ITGA7: variants seen among roughly 807,000 people sequenced by gnomAD.
ITGA7 encodes integrin alpha-7.
In ITGA7, 84 loss-of-function variants were observed where a neutral mutation model predicts 131.6. That is an observed-to-expected ratio of 0.64 (90% confidence interval 0.54 to 0.77). The LOEUF is 0.77. Among genes scored for constraint, ITGA7 ranks in the 30% least tolerant of loss-of-function variants. The pLI, the probability that ITGA7 is intolerant of heterozygous loss-of-function variation, is 0.00. For missense variants in ITGA7, 1,399 were observed against 1,482.9 expected (o/e 0.94, Z 0.93); for synonymous variants, 548 against 600.7 (o/e 0.91, Z 1.28).
chr12:55,705,427 C>T (rs1449365407), intron 1 of ITGA7, among the ~76,000 whole-genome samples: 1 of 152,046 alleles, frequency 6.6e-6, no homozygotes, highest in Non-Finnish European at 1.5e-5. Context: ...CCCCTGGGAG[C>T]TCAGCTAAGT....
At chr12:55,685,358 G>A (rs896976299) in intron 24 of ITGA7, 70 bp from the exon 25 acceptor site, 11 of 1,371,652 alleles carry the variant, frequency 8.0e-6, no homozygotes, top group Admixed American at 3.4e-5. Flanking sequence ...TGCCTAGCGC[G>A]GCACAGCTCC....
chr12:55,692,179 G>A (rs760652723), intron 21 of ITGA7, among the ~76,000 whole-genome samples: 11 of 152,174 alleles, frequency 7.2e-5, no homozygotes, highest in South Asian at 2.1e-4. Context: ...TTGGGAGGCC[G>A]AGGCAGACAG....
rs78711866 is a variant in ITGA7, at chr12:55,685,588, T to C, written c.3184-300A>G. 2.0e-5 allele frequency among the ~76,000 whole-genome samples: 3 copies of C among 152,206 alleles called. No homozygotes were observed. In the East Asian group the frequency reaches 5.8e-4, roughly 29 times the overall value. ...GGAGCATCAGGACCGGACTCAAGAT[T>C]TGTACCCCCTCTAGCTTCTTAAGAG... On this transcript the variant is annotated intron_variant, in intron 24 of 24. Coordinates refer to ENST00000257879, the MANE Select transcript of ITGA7 (RefSeq NM_002206.3).
At chr12:55,697,845 C>G in intron 8 of ITGA7, 23 bp from the exon 9 acceptor site, 1 of 1,614,114 alleles carries the variant, frequency 6.2e-7, no homozygotes, top group Non-Finnish European at 8.5e-7. Context: ...CTGTCAGCCT[C>G]CCTCAATCCC....
chr12:55,715,975 C>A, upstream of ITGA7: 1 of 1,462,284 alleles, frequency 6.8e-7, no homozygotes, highest in Non-Finnish European at 9.0e-7. Flanking sequence ...CCCTCTACCT[C>A]TCTTCCCCGC....
rs757258511 is a variant in ITGA7 at position 55,687,957 on chromosome 12, C to T, written c.3183+14G>A. 2.5e-6 allele frequency: 4 copies of T among 1,614,126 alleles called. No homozygotes were observed. Among genetic ancestry groups the T allele is most frequent in the Non-Finnish European group, 3.4e-6 (4 of 1,180,016 alleles). ...AGGAAGTCCACCCCCATCAGCCCCACCTCCAAGCCTCACCTTCCACAGGAG... is the reference window on the plus strand; with the variant it reads ...AGGAAGTCCACCCCCATCAGCCCCATCTCCAAGCCTCACCTTCCACAGGAG... On this transcript the variant is annotated intron_variant, in intron 24 of 24. Coordinates refer to ENST00000257879, the MANE Select transcript of ITGA7 (RefSeq NM_002206.3).
In ITGA7 at chr12:55,698,465, A is replaced by G. The variant is rs746695468; in HGVS notation, c.1110T>C (p.Pro370=). Residue 370 remains proline (P), a synonymous_variant, in exon 7 of 25, where the codon CCT becomes CCC. Transcript: ENST00000257879. ...NQGGHWAGIS[P]LRLCGSPDSM... ...AGTCAGGGGAGCCGCAGAGCCGGAG[A>G]GGGGAGATCCCAGCCCAGTGACCCC... 6.2e-7 allele frequency: 1 copy of G among 1,613,642 alleles called. No individual in the cohort carries two copies.
At chr12:55,686,408 ATGGGAGCAGGGAGCAAGCATCC>A in intron 24 of ITGA7, 1 of 725,592 alleles carries the variant, frequency 1.4e-6, no homozygotes, top group South Asian at 1.6e-5. Flanking sequence ...TCTTCCTTCC[ATGGGAGCAGGGAGCAAGCATCC>A]TGGGACCAGT....
intron 5 of ITGA7, chr12:55,699,411 AG>A (rs936993828): frequency 1.4e-5 from 4 of 281,518 alleles, no homozygotes; most frequent in Non-Finnish European, 2.8e-5. Flanking sequence ...GGGGGAGACA[AG>A]GGGGAGTGAG....
chr12:55,709,200 T>A (rs1875799610), upstream of ITGA7, among the ~76,000 whole-genome samples: 1 of 152,214 alleles, frequency 6.6e-6, no homozygotes, highest in African/African-American at 2.4e-5. Context: ...TATTTCTCAA[T>A]GTTTCTAGTG....
rs755539302 is a variant in ITGA7, at chr12:55,707,691, C to G, written c.-9G>C. 1.3e-6 allele frequency: 2 copies of G among 1,564,062 alleles called. No individual in the cohort carries two copies. The highest frequency in any genetic ancestry group is 1.7e-6 in the Non-Finnish European group (2 of 1,154,014). ...CTCCGAGCCCCGGCCATGGGACGATCCCTGCGCGAGCTCCCAGCGAATGCA... is the reference window on the plus strand; with the variant it reads ...CTCCGAGCCCCGGCCATGGGACGATGCCTGCGCGAGCTCCCAGCGAATGCA... On this transcript the variant is annotated 5_prime_UTR_variant, in exon 1 of 25. Transcript: ENST00000257879.
At position 55,707,820 on chromosome 12, in the gene ITGA7, G is replaced by GCCCAACCCC; in HGVS notation, c.-139_-138insGGGGTTGGG. ...CGTCTCCCAGACGTTCGCCCCGCCA[G>GCCCAACCCC]CCCTCCCGCCCGCCCGCCGCTCCGC... On this transcript the variant is annotated 5_prime_UTR_variant, in exon 1 of 25. Coordinates refer to ENST00000257879, the MANE Select transcript of ITGA7 (RefSeq NM_002206.3). The GCCCAACCCC allele has an allele frequency of 1.4e-6, 2 of 1,455,760 alleles. No homozygotes were observed. The highest frequency in any genetic ancestry group is 1.8e-6 in the Non-Finnish European group (2 of 1,102,472). 90.2% of individuals were successfully genotyped at this position (1,455,760 alleles called of 1,614,324 possible). A position where few individuals can be genotyped will look rare whatever the true frequency, so the allele number is the denominator to read the frequency against.
At position 55,698,854 on chromosome 12, in the gene ITGA7, G is replaced by A. The variant is rs758952304; in HGVS notation, c.854C>T (p.Ala285Val). 1.9e-6 allele frequency: 3 copies of A among 1,611,916 alleles called. No individual in the cohort carries two copies. The highest frequency in any genetic ancestry group is 1.1e-5 in the South Asian group (1 of 91,056). Residue 285 changes from alanine to valine, a missense_variant, in exon 6 of 25, where the codon GCC (alanine) becomes GTC (valine). Ala to Val is a moderately conservative substitution (Grantham distance 64, BLOSUM62 0). Coordinates refer to ENST00000257879, the MANE Select transcript of ITGA7 (RefSeq NM_002206.3). ...RAEELSFVAG[A>V]PRANHKGAVV... ...AGCACCCTTGTGGTTGGCGCGGGGG[G>A]CTCCAGCCACAAAGCTCAGCTCTTC...
At chr12:55,689,780 A>T (rs1004207165) in intron 21 of ITGA7, among the ~76,000 whole-genome samples, 25 of 152,344 alleles carry the variant, frequency 1.6e-4, no homozygotes, top group Admixed American at 1.6e-3. Flanking sequence ...AGAGATATAG[A>T]TCAATGGAAC....
intron 12 of ITGA7, 112 bp from the exon 13 acceptor site, chr12:55,696,544 G>T (rs1304626951): frequency 2.4e-6 from 3 of 1,228,658 alleles, no homozygotes; most frequent in Non-Finnish European, 3.5e-6. Flanking sequence ...ATATTAGGGA[G>T]ATGAATGAGA....
At chr12:55,716,170 A>G, upstream of ITGA7, 1 of 1,612,374 alleles carries the variant, frequency 6.2e-7, no homozygotes. Flanking sequence ...CACCAGGCCA[A>G]GCAGAATGAA....
At chr12:55,713,703 C>T (rs575236193), upstream of ITGA7, among the ~76,000 whole-genome samples, 5 of 152,288 alleles carry the variant, frequency 3.3e-5, no homozygotes, top group South Asian at 2.1e-4. Context: ...CAGTATCTAA[C>T]GTTTTTATTA....
Position 55,685,074 on chromosome 12 carries a change from C to T in ITGA7, c.3398G>A (p.Gly1133Glu). The stretch of plus-strand genomic sequence containing the variant: ...CATGGGAACCTAGGCGGTGCCTGGC[C>T]CTGGATGCCCATCGGGGCCCAGCTC... ...HPELGPDGHP[G>E]PGTA Residue 1133 changes from glycine to glutamate, a missense_variant, in exon 25 of 25, where the codon GGG becomes GAG. Physicochemically the swap from Gly to Glu is moderately conservative, Grantham distance 98 (BLOSUM62 -2). Transcript: ENST00000257879. The T allele has an allele frequency of 3.8e-6, 6 of 1,593,732 alleles. No homozygotes were observed. Among genetic ancestry groups the T allele is most frequent in the Non-Finnish European group, 5.1e-6 (6 of 1,172,416 alleles).
Position 55,706,051 on chromosome 12 carries a change from G to C in ITGA7, c.206+1426C>G, listed in dbSNP as rs185592264. 2.7e-3 allele frequency among the ~76,000 whole-genome samples: 405 copies of C among 152,354 alleles called. 1 individual carries two copies. The highest frequency in any genetic ancestry group is 1.9e-3 in the Non-Finnish European group (127 of 68,036). The stretch of plus-strand genomic sequence containing the variant: ...GCCCTCTGGGAAAGGCCCCAGCTTG[G>C]CTCTGGGAGACGGAACCAGGGGCCA... On this transcript the variant is annotated intron_variant, in intron 1 of 24. Transcript: ENST00000257879.
Sources: allele counts gnomAD v4.1 joint callset (sites outside exome capture counted in the v4.1 genomes callset), GRCh38; gene constraint gnomAD v4.1.1; transcripts MANE v1.5; gene names NCBI Gene and HGNC (gene_info 2026-07-23, HGNC 2026-07-21).